THSD4: variants seen among roughly 807,000 people sequenced by gnomAD.
The protein encoded by THSD4 is thrombospondin type-1 domain-containing protein 4.
THSD4 carries 69 observed loss-of-function variants against 119.0 expected under a neutral mutation model. The observed-to-expected ratio is 0.58, with a 90% CI of 0.48 to 0.71. The LOEUF (loss-of-function observed/expected upper bound fraction) is 0.71. Ranked by LOEUF, THSD4 falls within the 30% of genes least tolerant of loss-of-function variation. THSD4 has a pLI of 0.00. For synonymous variants in THSD4, 524 were observed against 540.4 expected (o/e 0.97, Z 0.42); for missense variants, 1,393 against 1,391.1 (o/e 1.00, Z -0.02).
At chr15:71,642,586 G>T (rs1484197624) in intron 7 of THSD4, among the ~76,000 whole-genome samples, 1 of 152,184 alleles carries the variant, frequency 6.6e-6, no homozygotes, top group Non-Finnish European at 1.5e-5. Context: ...TTAAGAAAGT[G>T]TGGCACATAT....
chr15:71,524,587 CTTTTTTTTTTTTT>C (rs71438517), intron 7 of THSD4, among the ~76,000 whole-genome samples: 1,430 of 59,616 alleles, frequency 0.024, 40 homozygotes, highest in African/African-American at 0.072. Context: ...GTTTATGCCT[CTTTTTTTTTTTTT>C]TTTTTTTTTT....
intron 7 of THSD4, among the ~76,000 whole-genome samples, chr15:71,576,106 GAAA>G (rs36055990): frequency 2.1e-4 from 32 of 149,074 alleles, no homozygotes; most frequent in Admixed American, 8.6e-4. Context: ...CTTTTTTGTG[GAAA>G]AAAAAAAAAA....
intron 7 of THSD4, among the ~76,000 whole-genome samples, chr15:71,528,055 T>G (rs537365033): frequency 6.6e-6 from 1 of 152,280 alleles, no homozygotes; most frequent in Non-Finnish European, 1.5e-5. Flanking sequence ...ATCCTAGGTA[T>G]AAGCCTAAGA....
intron 3 of THSD4, among the ~76,000 whole-genome samples, chr15:71,204,944 G>C (rs1316217983): frequency 6.6e-6 from 1 of 152,114 alleles, no homozygotes; most frequent in South Asian, 2.1e-4. Context: ...AGAGCATTTG[G>C]GGGCTAAGGA....
At chr15:71,575,948 G>C (rs192774553) in intron 7 of THSD4, among the ~76,000 whole-genome samples, 3 of 152,290 alleles carry the variant, frequency 2.0e-5, no homozygotes, top group Non-Finnish European at 4.4e-5. Context: ...CCTGAGGAAA[G>C]TGTGAAAATG....
At chr15:71,669,487 C>T (rs1020968667) in intron 8 of THSD4, among the ~76,000 whole-genome samples, 4 of 152,134 alleles carry the variant, frequency 2.6e-5, no homozygotes, top group Admixed American at 6.5e-5. Flanking sequence ...CACAGGTATA[C>T]ACAATTCTGT....
intron 7 of THSD4, among the ~76,000 whole-genome samples, chr15:71,458,743 GAA>G (rs2047373565): frequency 6.6e-6 from 1 of 152,204 alleles, no homozygotes; most frequent in Non-Finnish European, 1.5e-5. Flanking sequence ...TAAAGGTGAG[GAA>G]AATATTGTAT....
At chr15:71,756,015 G>T (rs1480392537) in intron 14 of THSD4, among the ~76,000 whole-genome samples, 1 of 152,198 alleles carries the variant, frequency 6.6e-6, no homozygotes, top group Admixed American at 6.5e-5. Flanking sequence ...AGGTATGGGG[G>T]ATAGGATAAT....
chr15:71,644,152 G>T (rs1436991792), intron 7 of THSD4, among the ~76,000 whole-genome samples: 1 of 152,188 alleles, frequency 6.6e-6, no homozygotes. Context: ...GTAGGACTCA[G>T]GCTAACACCA....
At chr15:71,596,281 G>A (rs567306352) in intron 7 of THSD4, among the ~76,000 whole-genome samples, 9 of 152,320 alleles carry the variant, frequency 5.9e-5, no homozygotes, top group African/African-American at 2.2e-4. Flanking sequence ...CTGTGGGTAG[G>A]AACGCAGTCA....
At chr15:71,298,940 C>T (rs1483966782) in intron 6 of THSD4, among the ~76,000 whole-genome samples, 1 of 152,168 alleles carries the variant, frequency 6.6e-6, no homozygotes, top group Non-Finnish European at 1.5e-5. Context: ...TCAATCACCT[C>T]AATGGCTGGA....
intron 7 of THSD4, among the ~76,000 whole-genome samples, chr15:71,532,283 A>AGAGAGAGAGAGTGAGTGT (rs1379506089): frequency 3.0e-5 from 3 of 101,574 alleles, no homozygotes; most frequent in African/African-American, 1.0e-4. Context: ...AGAGAGAGAG[A>AGAGAGAGAGAGTGAGTGT]GTGTGTGTGT....
chr15:71,357,858 C>G (rs1205884202), intron 6 of THSD4, among the ~76,000 whole-genome samples: 2 of 152,272 alleles, frequency 1.3e-5, no homozygotes, highest in Non-Finnish European at 2.9e-5. Context: ...TTTCTAGTTT[C>G]CCTTCACACT....
In THSD4 at chr15:71,781,475, A is replaced by G. The variant is rs1474921367; in HGVS notation, c.*4101A>G. On this transcript the variant is annotated 3_prime_UTR_variant, in exon 18 of 18. Coordinates refer to ENST00000261862, the MANE Select transcript of THSD4 (RefSeq NM_024817.3). Reference sequence around the variant, plus strand: ...CATTGTGTTTGCATTTGCCGGAACCATACTTTAAGAAGAAAACCGATCATC... The same window carrying G: ...CATTGTGTTTGCATTTGCCGGAACCGTACTTTAAGAAGAAAACCGATCATC... 1 of 152,354 alleles carries G rather than the reference A, an allele frequency of 6.6e-6. No homozygotes were observed. The highest frequency in any genetic ancestry group is 1.5e-5 in the Non-Finnish European group (1 of 68,142). 9.4% of individuals were successfully genotyped at this position (152,354 alleles called of 1,614,324 possible). A position where few individuals can be genotyped will look rare whatever the true frequency, so the allele number is the denominator to read the frequency against.
chr15:71,477,769 C>T (rs576829919), intron 7 of THSD4, among the ~76,000 whole-genome samples: 85 of 152,276 alleles, frequency 5.6e-4, no homozygotes, highest in African/African-American at 2.0e-3. Context: ...TCCCTCACAC[C>T]GTCACTTTAT....
chr15:71,402,699 A>G (rs1488619796), intron 6 of THSD4, among the ~76,000 whole-genome samples: 4 of 152,186 alleles, frequency 2.6e-5, no homozygotes, highest in African/African-American at 4.8e-5. Flanking sequence ...TGAGGGAGGC[A>G]GCTCCCTCAG....
At chr15:71,197,022 T>A (rs1030500489) in intron 3 of THSD4, among the ~76,000 whole-genome samples, 13 of 152,308 alleles carry the variant, frequency 8.5e-5, no homozygotes, top group Non-Finnish European at 5.9e-5. Context: ...CCTGGCCTTG[T>A]ATTTGGGCAA....
chr15:71,427,139 TAAA>T (rs2046880556), intron 7 of THSD4, among the ~76,000 whole-genome samples: 1 of 151,248 alleles, frequency 6.6e-6, no homozygotes, highest in African/African-American at 2.4e-5. Context: ...CTACCCAACA[TAAA>T]AACCCTGTTT....
intron 7 of THSD4, among the ~76,000 whole-genome samples, chr15:71,623,376 T>C (rs1188727304): frequency 1.3e-5 from 2 of 152,186 alleles, no homozygotes; most frequent in Non-Finnish European, 2.9e-5. Flanking sequence ...AAGAAGTACT[T>C]TAATCCCGTC....
Sources: gnomAD v4.1 joint callset for allele counts (sites outside exome capture counted in the v4.1 genomes callset) on GRCh38, gnomAD v4.1.1 for gene constraint, MANE v1.5 for transcripts, NCBI Gene and HGNC (gene_info 2026-07-23, HGNC 2026-07-21) for gene names.